CCDC88C: variants seen among roughly 807,000 people sequenced by gnomAD.
CCDC88C encodes the protein protein Daple.
A neutral mutation model predicts 198.8 loss-of-function variants in CCDC88C; 131 were observed. The observed-to-expected ratio is 0.66, with a 90% confidence interval of 0.57 to 0.76. CCDC88C has a LOEUF of 0.76. Ranked by LOEUF, CCDC88C falls within the 30% of genes least tolerant of loss-of-function variation. The pLI is 0.00. For synonymous variants in CCDC88C, 1,166 were observed against 1,114.7 expected (o/e 1.05, Z -0.92); for missense variants, 2,553 against 2,631.6 (o/e 0.97, Z 0.65).
In CCDC88C at chr14:91,272,867, C is replaced by A. The variant is rs756202687; in HGVS notation, c.5845G>T (p.Glu1949Ter). ...CGGACAGGGGTGATGGTGGCCACCTCCCCTGAGCGTGGGGGCGCCTTGGGC... is the reference window on the plus strand; with the variant it reads ...CGGACAGGGGTGATGGTGGCCACCTACCCTGAGCGTGGGGGCGCCTTGGGC... ...TKPKAPPRSG[E>*]VATITPVRAG... Residue 1949 changes from glutamate (E) to a stop codon, truncating the protein, a stop_gained, in exon 30 of 30, where the codon GAG becomes TAG. Transcript: ENST00000389857. LOFTEE classifies it low-confidence loss of function (END_TRUNC). The A allele has an allele frequency of 1.3e-6, 2 of 1,592,196 alleles. No individual in the cohort carries two copies. Among genetic ancestry groups the A allele is most frequent in the South Asian group, 1.1e-5 (1 of 89,498 alleles).
chr14:91,322,904 C>CTTTTTTTTTTTTTTTT (rs35728972), intron 12 of CCDC88C, among the ~76,000 whole-genome samples: 1 of 127,526 alleles, frequency 7.8e-6, no homozygotes, highest in Non-Finnish European at 1.6e-5. Context: ...CAGTGTTTCT[C>CTTTTTTTTTTTTTTTT]TTTTTTTTTT....
rs1891905251 is a variant in CCDC88C, at chr14:91,313,024, G to A, written c.2736+56C>T. ...TTCTCTCCTGAAACCATGCACCACA[G>A]AACCCACTACCACCATCTGCCAATC... On this transcript the variant is annotated intron_variant, in intron 15 of 29. Coordinates refer to ENST00000389857, the MANE Select transcript of CCDC88C (RefSeq NM_001080414.4). The surrounding 1 kb of genome is among the most constrained non-coding windows in gnomAD (Gnocchi z 5.2). 3 of 1,350,924 alleles carry A rather than the reference G, an allele frequency of 2.2e-6. No homozygotes were observed. Among genetic ancestry groups the A allele is most frequent in the Admixed American group, 2.2e-5 (1 of 46,434 alleles). The allele number at this position is 1,350,924 out of a possible 1,614,324, so 83.7% of individuals were successfully genotyped here.
At chr14:91,399,854 A>AAAG (rs769890260) in intron 3 of CCDC88C, among the ~76,000 whole-genome samples, 30,860 of 140,360 alleles carry the variant, frequency 0.22, 3,849 homozygotes, top group East Asian at 0.34. Context: ...AAAAAAAAAA[A>AAAG]AAGAAGAAGA....
At position 91,278,107 on chromosome 14, in the gene CCDC88C, G is replaced by T; in HGVS notation, c.4873C>A (p.Arg1625Ser). 1.2e-6 allele frequency: 2 copies of T among 1,613,050 alleles called. No individual in the cohort carries two copies. The highest frequency in any genetic ancestry group is 1.1e-5 in the South Asian group (1 of 90,906). ...TLPREASTPG[R>S]NALGRHEYPL... ...TACTCGTGGCGGCCGAGGGCGTTGC[G>T]TCCCGGTGTGCTGGCTTCCCGGGGC... The change falls in exon 29 of 30, where the codon CGC becomes AGC. Residue 1625 changes from arginine (R) to serine (S), a missense_variant. Arg to Ser is a moderately radical substitution (Grantham distance 110, BLOSUM62 -1). Around this residue, in one of 2 missense-constraint regions of CCDC88C, gnomAD observed 1,293 missense variants for 1,219.6 expected, o/e 1.06. Coordinates refer to ENST00000389857, the MANE Select transcript of CCDC88C (RefSeq NM_001080414.4).
intron 20 of CCDC88C, among the ~76,000 whole-genome samples, chr14:91,301,992 C>T (rs933724848): frequency 1.1e-4 from 17 of 152,052 alleles, no homozygotes; most frequent in Non-Finnish European, 1.5e-4. Flanking sequence ...TACTTTAGGC[C>T]GGAAGGAGTA....
At chr14:91,357,462 G>A (rs1379360392) in intron 4 of CCDC88C, among the ~76,000 whole-genome samples, 1 of 152,168 alleles carries the variant, frequency 6.6e-6, no homozygotes, top group African/African-American at 2.4e-5. Flanking sequence ...CAGCACGCTC[G>A]GTCTTTCATT....
chr14:91,308,792 G>A (rs1396230670), intron 16 of CCDC88C, among the ~76,000 whole-genome samples: 4 of 152,200 alleles, frequency 2.6e-5, no homozygotes, highest in Non-Finnish European at 4.4e-5. Flanking sequence ...TCTCAGAAAG[G>A]TTAAGCAATT....
chr14:91,372,859 A>AC (rs1395767050), intron 3 of CCDC88C, among the ~76,000 whole-genome samples: 1 of 152,172 alleles, frequency 6.6e-6, no homozygotes, highest in East Asian at 1.9e-4. Context: ...ACCTAGCGAC[A>AC]ATCAAGCCTG....
At chr14:91,285,854 G>T (rs1245831039) in intron 25 of CCDC88C, 2 of 1,247,994 alleles carry the variant, frequency 1.6e-6, no homozygotes, top group African/African-American at 1.5e-5. Context: ...GTTATCAATC[G>T]GATAACCCAA....
intron 3 of CCDC88C, among the ~76,000 whole-genome samples, chr14:91,394,282 G>A (rs1278762764): frequency 2.0e-5 from 3 of 152,156 alleles, no homozygotes; most frequent in African/African-American, 7.2e-5. Context: ...GAAAACAGTA[G>A]GGGAGCCCTA....
intron 3 of CCDC88C, among the ~76,000 whole-genome samples, chr14:91,362,644 G>A (rs1398643107): frequency 6.6e-6 from 1 of 152,060 alleles, no homozygotes; most frequent in Non-Finnish European, 1.5e-5. Flanking sequence ...AAGAAATAAC[G>A]TTTTGCCGGG....
At chr14:91,293,204 C>A (rs73336442) in intron 23 of CCDC88C, among the ~76,000 whole-genome samples, 7 of 91,240 alleles carry the variant, frequency 7.7e-5, no homozygotes, top group Non-Finnish European at 1.5e-4. Context: ...CTTCCTGTCC[C>A]CTCACCTGCC....
In CCDC88C at chr14:91,273,498, G is replaced by T; in HGVS notation, c.5214C>A (p.Pro1738=). ...FVAPTVKMAA[P]TSEGRPLKPG... is the part of the protein sequence containing the mutation. ...GCTTCAGCGGCCTCCCCTCCGAGGTGGGGGCGGCCATTTTGACGGTGGGGG... is the reference window on the plus strand; with the variant it reads ...GCTTCAGCGGCCTCCCCTCCGAGGTTGGGGCGGCCATTTTGACGGTGGGGG... Residue 1738 remains proline, a synonymous_variant, in exon 30 of 30, where the codon CCC becomes CCA. Coordinates refer to ENST00000389857, the MANE Select transcript of CCDC88C (RefSeq NM_001080414.4). This position sits in a 1 kb window ranked among gnomAD's most constrained non-coding sequence, Gnocchi z 5.6. The T allele has an allele frequency of 6.4e-7, 1 of 1,554,476 alleles. No homozygotes were observed. The highest frequency in any genetic ancestry group is 1.2e-5 in the South Asian group (1 of 83,490).
At chr14:91,405,064 C>G (rs1025737367) in intron 3 of CCDC88C, among the ~76,000 whole-genome samples, 1 of 152,144 alleles carries the variant, frequency 6.6e-6, no homozygotes, top group African/African-American at 2.4e-5. Flanking sequence ...TGCCTTAGAC[C>G]CCGGTGGTGG....
At chr14:91,346,578 G>A (rs1253563622) in intron 4 of CCDC88C, among the ~76,000 whole-genome samples, 1 of 152,084 alleles carries the variant, frequency 6.6e-6, no homozygotes, top group East Asian at 1.9e-4. Context: ...TTAACGTGGA[G>A]CTATTCATCA....
intron 12 of CCDC88C, among the ~76,000 whole-genome samples, chr14:91,324,574 G>A (rs562789953): frequency 1.3e-5 from 2 of 152,338 alleles, no homozygotes; most frequent in South Asian, 2.1e-4. Context: ...TGTGTTTTGC[G>A]TCCTGACATC....
intron 21 of CCDC88C, 82 bp from the exon 22 acceptor site, chr14:91,297,573 A>G (rs1891065411): frequency 4.3e-6 from 6 of 1,404,970 alleles, no homozygotes; most frequent in Non-Finnish European, 4.9e-6. Context: ...GCTATGTCCC[A>G]GCTCTGACAG....
intron 4 of CCDC88C, among the ~76,000 whole-genome samples, chr14:91,346,434 TA>T (rs1893547709): frequency 6.6e-6 from 1 of 152,174 alleles, no homozygotes; most frequent in Non-Finnish European, 1.5e-5. Flanking sequence ...CTAGTAAGTG[TA>T]GAAATTCATC....
chr14:91,326,284 G>A (rs985754381), intron 10 of CCDC88C, among the ~76,000 whole-genome samples: 1 of 152,054 alleles, frequency 6.6e-6, no homozygotes, highest in Non-Finnish European at 1.5e-5. Context: ...CGCGATCTCA[G>A]CTCACTGCAA....
Sources: allele counts gnomAD v4.1 joint callset (sites outside exome capture counted in the v4.1 genomes callset), GRCh38; gene constraint gnomAD v4.1.1; regional missense constraint gnomAD v4.1.1; non-coding constraint Gnocchi (gnomAD v3.1); transcripts MANE v1.5; gene names NCBI Gene and HGNC (gene_info 2026-07-23, HGNC 2026-07-21).